PAM: variants seen among roughly 807,000 people sequenced by gnomAD.
PAM encodes peptidyl-glycine alpha-amidating monooxygenase.
PAM carries 72 observed loss-of-function variants against 122.1 expected under a neutral mutation model. The observed-to-expected ratio is 0.59, with a 90% CI of 0.49 to 0.72. The LOEUF is 0.72. Ranked by LOEUF, PAM falls within the 30% of genes least tolerant of loss-of-function variation. PAM has a pLI of 0.00. For missense variants in PAM, 1,106 were observed against 1,183.7 expected, an observed-to-expected ratio of 0.93 and a Z score of 0.96; for synonymous variants, 389 against 404.4, an observed-to-expected ratio of 0.96 and a Z score of 0.46.
At chr5:102,887,146 T>C (rs1793373187) in intron 3 of PAM, among the ~76,000 whole-genome samples, 1 of 152,164 alleles carries the variant, frequency 6.6e-6, no homozygotes, top group South Asian at 2.1e-4. Flanking sequence ...TGAAAGTTGA[T>C]TCCCAATGTG....
chr5:102,896,787 A>T (rs1796339182), intron 3 of PAM, among the ~76,000 whole-genome samples: 1 of 151,738 alleles, frequency 6.6e-6, no homozygotes, highest in Admixed American at 6.6e-5. Flanking sequence ...GTGATAGTTT[A>T]AGGAATTTTA....
At chr5:103,007,105 A>G (rs1383465163) in intron 19 of PAM, 94 bp downstream of exon 19, 2 of 921,416 alleles carry the variant, frequency 2.2e-6, no homozygotes, top group Admixed American at 2.4e-5. Context: ...TTAAGCTGTA[A>G]TTGTCCCCTA....
At chr5:102,764,834 C>T (rs1280482832) in intron 1 of PAM, among the ~76,000 whole-genome samples, 1 of 152,226 alleles carries the variant, frequency 6.6e-6, no homozygotes, top group Non-Finnish European at 1.5e-5. Flanking sequence ...ACAATCCCTT[C>T]ATCAGCCCAG....
chr5:102,799,865 A>G (rs964131059), intron 1 of PAM, among the ~76,000 whole-genome samples: 7 of 152,154 alleles, frequency 4.6e-5, no homozygotes, highest in Non-Finnish European at 8.8e-5. Flanking sequence ...CAGCCTCCCT[A>G]ATGAAAATAT....
chr5:102,826,532 G>A (rs938388145), intron 1 of PAM, among the ~76,000 whole-genome samples: 2 of 152,176 alleles, frequency 1.3e-5, no homozygotes, highest in South Asian at 2.1e-4. Context: ...AACATTCGAG[G>A]GCACTAAGAG....
intron 1 of PAM, among the ~76,000 whole-genome samples, chr5:102,855,304 C>T (rs1782347477): frequency 1.3e-5 from 2 of 152,052 alleles, no homozygotes; most frequent in Non-Finnish European, 2.9e-5. Context: ...ATAGATTTCA[C>T]TTTTAAGTAC....
At chr5:102,944,954 G>A (rs531428626) in intron 7 of PAM, among the ~76,000 whole-genome samples, 1 of 151,714 alleles carries the variant, frequency 6.6e-6, no homozygotes, top group Admixed American at 6.6e-5. Context: ...TTATTACTTG[G>A]AGAAATTTTA....
chr5:103,002,872 T>C (rs1165477873), intron 16 of PAM, among the ~76,000 whole-genome samples, 161 bp from the exon 17 acceptor site: 3 of 152,198 alleles, frequency 2.0e-5, no homozygotes, highest in Non-Finnish European at 1.5e-5. Flanking sequence ...TACAGGTTAA[T>C]GGGGTATATT....
intron 15 of PAM, among the ~76,000 whole-genome samples, chr5:102,976,720 C>T (rs574651698): frequency 5.9e-5 from 9 of 152,248 alleles, no homozygotes; most frequent in South Asian, 4.1e-4. Context: ...TATTATAGCT[C>T]ATACTTATTT....
chr5:102,978,328 AC>A (rs1421177792), intron 15 of PAM, among the ~76,000 whole-genome samples: 1 of 152,190 alleles, frequency 6.6e-6, no homozygotes, highest in East Asian at 1.9e-4. Context: ...GAAAATGCTA[AC>A]CTCAATAAAC....
At chr5:102,923,159 C>T (rs1239386554) in intron 5 of PAM, among the ~76,000 whole-genome samples, 1 of 152,176 alleles carries the variant, frequency 6.6e-6, no homozygotes, top group Non-Finnish European at 1.5e-5. Context: ...GGTCCCTCAC[C>T]CCTTAATTCA....
At chr5:102,824,607 C>G (rs1408275418) in intron 1 of PAM, among the ~76,000 whole-genome samples, 1 of 152,148 alleles carries the variant, frequency 6.6e-6, no homozygotes, top group African/African-American at 2.4e-5. Context: ...GGTTACTTTT[C>G]CTGTTACTCA....
chr5:102,803,151 AAGG>A (rs1765269856), intron 1 of PAM, among the ~76,000 whole-genome samples: 1 of 6,388 alleles, frequency 1.6e-4, no homozygotes, highest in South Asian at 4.6e-3. Context: ...GAAAGAAAGG[AAGG>A]AAGGAAGGAA....
At chr5:102,995,501 T>A (rs1029115344) in intron 16 of PAM, among the ~76,000 whole-genome samples, 1 of 152,142 alleles carries the variant, frequency 6.6e-6, no homozygotes, top group African/African-American at 2.4e-5. Context: ...TGAATCTTGG[T>A]TACCATTTCC....
intron 5 of PAM, among the ~76,000 whole-genome samples, chr5:102,915,824 A>C (rs1008779823): frequency 6.6e-6 from 1 of 152,120 alleles, no homozygotes; most frequent in Non-Finnish European, 1.5e-5. Flanking sequence ...AGCCAAGCTC[A>C]TTGTTCTCAT....
At position 102,866,235 on chromosome 5, in the gene PAM, T is replaced by C; in HGVS notation, c.40T>C (p.Phe14Leu). The C allele has an allele frequency of 6.2e-7, 1 of 1,613,986 alleles. No individual in the cohort carries two copies. The highest frequency in any genetic ancestry group is 1.1e-5 in the South Asian group (1 of 91,082). Reference sequence around the variant, plus strand: ...CCCTAGCCTGCTAGTTCTCCTTGTTTTTCCAAGCAGCTGTTTGGCTTTCCG... The same window carrying C: ...CCCTAGCCTGCTAGTTCTCCTTGTTCTTCCAAGCAGCTGTTTGGCTTTCCG... ...RVPSLLVLLV[F>L]PSSCLAFRSP... Residue 14 changes from phenylalanine (F) to leucine (L), a missense_variant, in exon 2 of 26, where the codon TTT (phenylalanine) becomes CTT (leucine). By Grantham distance (22) the Phe-to-Leu change is conservative (BLOSUM62 0). This residue lies in a region of PAM where 670 missense variants were observed against 690.3 expected (regional missense o/e 0.97). Coordinates refer to ENST00000438793, the MANE Select transcript of PAM (RefSeq NM_001177306.2).
rs369118573 is a variant in PAM, at chr5:103,026,727, A to G, written c.2689+1393A>G. Among the ~76,000 whole-genome samples, 12 of 152,346 alleles carry G rather than the reference A, an allele frequency of 7.9e-5. No homozygotes were observed. The South Asian group carries it at 1.7e-3, about 21-fold the overall frequency. ...GTTGAAAGAATGAATGAATAAATCAACCGAGCTCACAGAATAGATAACATA... is the reference window on the plus strand; with the variant it reads ...GTTGAAAGAATGAATGAATAAATCAGCCGAGCTCACAGAATAGATAACATA... On this transcript the variant is annotated intron_variant, in intron 24 of 25. Transcript: ENST00000438793.
intron 21 of PAM, among the ~76,000 whole-genome samples, chr5:103,012,902 T>C (rs1374331592): frequency 6.6e-6 from 1 of 152,068 alleles, no homozygotes; most frequent in Admixed American, 6.5e-5. Flanking sequence ...TGGATTTTTG[T>C]CTGGGTTCTC....
rs540146799 is a variant in PAM at position 103,024,807 on chromosome 5, T to C, written c.2486-324T>C. On this transcript the variant is annotated intron_variant, in intron 23 of 25. Coordinates refer to ENST00000438793, the MANE Select transcript of PAM (RefSeq NM_001177306.2). ...TTGATTCCAGTATGCACACCAGTTC[T>C]TTCCCCTACACAGTACTGTCTTATT... Among the ~76,000 whole-genome samples the C allele has an allele frequency of 9.2e-5, 14 of 152,238 alleles. No individual in the cohort carries two copies. In the East Asian group the frequency reaches 2.3e-3, roughly 25 times the overall value.
Sources: gnomAD v4.1 joint callset for allele counts (sites outside exome capture counted in the v4.1 genomes callset) on GRCh38, gnomAD v4.1.1 for gene constraint, gnomAD v4.1.1 regional missense constraint, MANE v1.5 for transcripts, NCBI Gene and HGNC (gene_info 2026-07-23, HGNC 2026-07-21) for gene names.